Variants in GLRA2 observed in about 807,000 individuals in gnomAD.
GLRA2 encodes the protein glycine receptor alpha 2.
GLRA2 carries 11 observed loss-of-function variants against 31.6 expected under a neutral mutation model. The ratio of observed to expected loss-of-function variants is 0.35; its 90% CI spans 0.22 to 0.58. The LOEUF is 0.58. GLRA2 is among the 20% of genes least tolerant of loss of function. The pLI, the probability that GLRA2 is intolerant of heterozygous loss-of-function variation, is 0.84. For synonymous variants in GLRA2, 132 were observed against 134.0 expected (o/e 0.99, Z 0.10); for missense variants, 212 against 351.8 (o/e 0.60, Z 3.18).
At chrX:14,558,095 T>G (rs1269516362) in intron 2 of GLRA2, among the ~76,000 whole-genome samples, 1 of 112,003 alleles carries the variant, frequency 8.9e-6, no homozygotes, top group Non-Finnish European at 1.9e-5. Context: ...CAGTAAAGAT[T>G]GGCATAGAGG....
the GLRA2 span, among the ~76,000 whole-genome samples, chrX:14,458,823 G>T: frequency 9.0e-6 from 1 of 111,576 alleles, no homozygotes; most frequent in African/African-American, 3.3e-5. Flanking sequence ...TCTGCAGGTT[G>T]CCTGTTCACT....
At chrX:14,589,422 G>A (rs966772190) in intron 4 of GLRA2, among the ~76,000 whole-genome samples, 14 of 106,796 alleles carry the variant, frequency 1.3e-4, no homozygotes, top group African/African-American at 4.5e-4. Context: ...CACTTTGGGA[G>A]GCCGAGATGG....
intron 7 of GLRA2, among the ~76,000 whole-genome samples, chrX:14,636,667 T>G (rs761435389): frequency 9.0e-6 from 1 of 111,554 alleles, no homozygotes; most frequent in African/African-American, 3.3e-5. Context: ...AAAAGTTAGA[T>G]AAAAACTAAG....
the GLRA2 span, among the ~76,000 whole-genome samples, chrX:14,482,482 T>A: frequency 3.6e-5 from 4 of 111,127 alleles, no homozygotes; most frequent in African/African-American, 1.3e-4. Context: ...CACCCAACTT[T>A]AAGTCAACCC....
the GLRA2 span, among the ~76,000 whole-genome samples, chrX:14,509,643 G>A: frequency 3.6e-5 from 4 of 112,032 alleles, no homozygotes; most frequent in East Asian, 5.6e-4. Flanking sequence ...GGATGAAGGC[G>A]TAGGTTAAAA....
chrX:14,539,360 T>C (rs1229828950), intron 2 of GLRA2, among the ~76,000 whole-genome samples: 1 of 111,424 alleles, frequency 9.0e-6, no homozygotes, highest in Non-Finnish European at 1.9e-5. Context: ...GTCCTGACTG[T>C]TGTATGAAGC....
At chrX:14,664,324 A>C (rs945556008) in intron 7 of GLRA2, among the ~76,000 whole-genome samples, 6 of 111,999 alleles carry the variant, frequency 5.4e-5, no homozygotes, top group Non-Finnish European at 1.1e-4. Flanking sequence ...TTTTAGTTTT[A>C]TCACATTATG....
chrX:14,493,679 G>A, the GLRA2 span, among the ~76,000 whole-genome samples: 5 of 85,371 alleles, frequency 5.9e-5, no homozygotes, highest in Admixed American at 4.0e-4. Context: ...GTATACATGT[G>A]TATACATATA....
At chrX:14,524,631 C>G (rs973038539), upstream of GLRA2, among the ~76,000 whole-genome samples, 2 of 111,140 alleles carry the variant, frequency 1.8e-5, no homozygotes, top group Non-Finnish European at 3.8e-5. Context: ...TGTAGGAAAC[C>G]CGTTCAGTAA....
At chrX:14,594,448 T>C (rs1360705259) in intron 4 of GLRA2, among the ~76,000 whole-genome samples, 1 of 111,653 alleles carries the variant, frequency 9.0e-6, no homozygotes, top group Non-Finnish European at 1.9e-5. Context: ...TGTTTTGATA[T>C]ATAAATACTA....
At chrX:14,643,984 G>A (rs752529795) in intron 7 of GLRA2, among the ~76,000 whole-genome samples, 3 of 111,782 alleles carry the variant, frequency 2.7e-5, no homozygotes, top group East Asian at 2.8e-4. Flanking sequence ...GGTCCTGGGT[G>A]TGTCTAACAC....
intron 8 of GLRA2, among the ~76,000 whole-genome samples, chrX:14,697,705 G>A (rs2091469103): frequency 9.0e-6 from 1 of 110,937 alleles, no homozygotes; most frequent in Admixed American, 9.6e-5. Flanking sequence ...GCATGGCATG[G>A]CATGCAAAAT....
At chrX:14,507,686 A>ATTTTTTTTTTT in the GLRA2 span, among the ~76,000 whole-genome samples, 1 of 56,045 alleles carries the variant, frequency 1.8e-5, no homozygotes, top group African/African-American at 6.3e-5. Flanking sequence ...TACGAAAGAC[A>ATTTTTTTTTTT]TTCTTTTTTT....
chrX:14,689,567 C>A (rs1201554977), intron 7 of GLRA2, among the ~76,000 whole-genome samples: 1 of 111,721 alleles, frequency 9.0e-6, no homozygotes, highest in Non-Finnish European at 1.9e-5. Context: ...CTTTTGTTAC[C>A]TTGGATAATA....
chrX:14,707,815 AT>A (rs745582959), intron 8 of GLRA2, among the ~76,000 whole-genome samples: 10 of 109,718 alleles, frequency 9.1e-5, no homozygotes, highest in African/African-American at 2.3e-4. Flanking sequence ...GACAGTCTTT[AT>A]TTTTTTTCTA....
chrX:14,658,188 G>GC (rs770349998), intron 7 of GLRA2, among the ~76,000 whole-genome samples: 49 of 110,885 alleles, frequency 4.4e-4, no homozygotes, highest in African/African-American at 1.5e-3. Context: ...TCTCTTACCT[G>GC]CCCCTCATCA....
the GLRA2 span, among the ~76,000 whole-genome samples, chrX:14,493,554 T>C: frequency 9.6e-6 from 1 of 104,645 alleles, no homozygotes; most frequent in Non-Finnish European, 1.9e-5. Flanking sequence ...CTTATATACA[T>C]ATATACACAT....
intron 4 of GLRA2, among the ~76,000 whole-genome samples, chrX:14,587,286 T>C (rs929035088): frequency 8.9e-6 from 1 of 112,243 alleles, no homozygotes; most frequent in African/African-American, 3.2e-5. Context: ...TAGAACAATT[T>C]ATTTTCTTTG....
intron 4 of GLRA2, among the ~76,000 whole-genome samples, chrX:14,584,941 G>A (rs1487359386): frequency 9.0e-6 from 1 of 111,332 alleles, no homozygotes; most frequent in Admixed American, 9.6e-5. Flanking sequence ...GTTTTGTGAA[G>A]GTCTTTACAT....
Sources: gnomAD v4.1 joint callset for allele counts (sites outside exome capture counted in the v4.1 genomes callset) on GRCh38, gnomAD v4.1.1 for gene constraint, MANE v1.5 for transcripts, NCBI Gene and HGNC (gene_info 2026-07-23, HGNC 2026-07-21) for gene names.